WDFY3: variants seen among roughly 807,000 people sequenced by gnomAD.
The protein encoded by WDFY3 is WD repeat and FYVE domain-containing protein 3.
WDFY3 carries 66 observed loss-of-function variants against 409.6 expected under a neutral mutation model. That is an observed-to-expected ratio of 0.16 (90% CI 0.13 to 0.20). The LOEUF is 0.20. Ranked by LOEUF, WDFY3 falls within the 10% of genes least tolerant of loss-of-function variation. The pLI is 1.00. For missense variants in WDFY3, 3,031 were observed against 4,298.1 expected (o/e 0.71, Z 8.24); for synonymous variants, 1,521 against 1,537.1 (o/e 0.99, Z 0.25).
At chr4:84,732,605 A>G (rs1736788257) in intron 44 of WDFY3, among the ~76,000 whole-genome samples, 1 of 152,156 alleles carries the variant, frequency 6.6e-6, no homozygotes, top group South Asian at 2.1e-4. Context: ...GATGCCCCAT[A>G]TAAGTGAGAT....
At position 84,809,990 on chromosome 4, in the gene WDFY3, A is replaced by G; in HGVS notation, c.2242T>C (p.Leu748=). ...PSNTQPFQRL[L]EEDVISIESV... is the part of the protein sequence containing the mutation. The stretch of plus-strand genomic sequence containing the variant: ...TCTATTGAGATTACATCTTCCTCTA[A>G]AAGTCTTTGAAATGGCTGTGTATTT... Residue 748 remains leucine, a synonymous_variant, in exon 14 of 68, where the codon TTA becomes CTA. Transcript: ENST00000295888. 1.9e-6 allele frequency: 3 copies of G among 1,614,164 alleles called. No homozygotes were observed. Among genetic ancestry groups the G allele is most frequent in the South Asian group, 1.1e-5 (1 of 91,086 alleles).
intron 13 of WDFY3, among the ~76,000 whole-genome samples, chr4:84,813,230 C>G (rs1752784474): frequency 6.6e-6 from 1 of 152,024 alleles, no homozygotes; most frequent in Non-Finnish European, 1.5e-5. Context: ...AACTGAGAAC[C>G]CACATTTTCC....
At chr4:84,941,943 C>T (rs1452229469) in intron 1 of WDFY3, among the ~76,000 whole-genome samples, 3 of 151,822 alleles carry the variant, frequency 2.0e-5, no homozygotes, top group African/African-American at 7.2e-5. Flanking sequence ...CTAGCCAGTG[C>T]TACAGTAATC....
chr4:84,682,330 A>C, intron 64 of WDFY3, 44 bp downstream of exon 64: 1 of 1,570,582 alleles, frequency 6.4e-7, no homozygotes, highest in Non-Finnish European at 8.7e-7. Flanking sequence ...GACTTAAAAG[A>C]AATATGAAAA....
intron 41 of WDFY3, 62 bp from the exon 42 acceptor site, chr4:84,736,389 A>T (rs1408753158): frequency 4.8e-6 from 7 of 1,461,450 alleles, no homozygotes; most frequent in Non-Finnish European, 6.4e-6. Context: ...GTCTTACTTT[A>T]AAAACTTATC....
At chr4:84,952,794 AC>A (rs1230475545) in intron 1 of WDFY3, among the ~76,000 whole-genome samples, 2 of 152,226 alleles carry the variant, frequency 1.3e-5, no homozygotes, top group Admixed American at 1.3e-4. Flanking sequence ...TATATAAATT[AC>A]ATCTGTCATT....
chr4:84,777,519 G>A (rs999373931), intron 27 of WDFY3, among the ~76,000 whole-genome samples: 2 of 152,050 alleles, frequency 1.3e-5, no homozygotes, highest in Non-Finnish European at 2.9e-5. Context: ...CAATGTTACT[G>A]AGAGCTGCGG....
intron 3 of WDFY3, among the ~76,000 whole-genome samples, chr4:84,883,889 T>C (rs1037701543): frequency 6.6e-6 from 1 of 152,122 alleles, no homozygotes; most frequent in African/African-American, 2.4e-5. Context: ...AATGTTTCCA[T>C]ATAAAGACCT....
intron 3 of WDFY3, among the ~76,000 whole-genome samples, chr4:84,882,667 T>C (rs1268619358): frequency 6.6e-6 from 1 of 152,084 alleles, no homozygotes; most frequent in Non-Finnish European, 1.5e-5. Flanking sequence ...AAAAATTACT[T>C]GTCAGTGGAT....
chr4:84,880,672 T>TACACACAC (rs1259663195), intron 3 of WDFY3, among the ~76,000 whole-genome samples: 1 of 74,632 alleles, frequency 1.3e-5, no homozygotes, highest in Non-Finnish European at 2.4e-5. Flanking sequence ...AAGGGAACCA[T>TACACACAC]ACATATATAT....
intron 1 of WDFY3, among the ~76,000 whole-genome samples, chr4:84,961,992 A>AGACC (rs1175796691): frequency 6.6e-6 from 1 of 152,240 alleles, no homozygotes; most frequent in Non-Finnish European, 1.5e-5. Flanking sequence ...TCCCTCACAT[A>AGACC]GACCTGTATG....
At chr4:84,674,870 A>AAAAAAT (rs887055727) in intron 67 of WDFY3, among the ~76,000 whole-genome samples, 1 of 151,886 alleles carries the variant, frequency 6.6e-6, no homozygotes, top group Non-Finnish European at 1.5e-5. Context: ...TCCGTCTCAA[A>AAAAAAT]AAAAATAAAA....
At position 84,670,897 on chromosome 4, in the gene WDFY3, GAC is replaced by G. The variant is rs1725349353; in HGVS notation, c.*1969_*1970del. On this transcript the variant is annotated 3_prime_UTR_variant, in exon 68 of 68. Coordinates refer to ENST00000295888, the MANE Select transcript of WDFY3 (RefSeq NM_014991.6). ...GGGAGGGAGAGTGTGGGGGGAGTAA[GAC>G]ACAGAAAGGAAAACAGAACACAACT... The G allele has an allele frequency of 6.6e-6, 1 of 152,438 alleles. No homozygotes were observed. The highest frequency in any genetic ancestry group is 1.5e-5 in the Non-Finnish European group (1 of 68,012). The allele number at this position is 152,438 out of a possible 1,614,324, so 9.4% of individuals were successfully genotyped here.
intron 1 of WDFY3, among the ~76,000 whole-genome samples, chr4:84,952,498 T>C (rs906007236): frequency 2.0e-5 from 3 of 152,148 alleles, no homozygotes; most frequent in African/African-American, 7.2e-5. Context: ...ACAACACCCC[T>C]TTATACAGAA....
At chr4:84,891,492 T>C (rs1414153447) in intron 3 of WDFY3, among the ~76,000 whole-genome samples, 2 of 152,180 alleles carry the variant, frequency 1.3e-5, no homozygotes, top group East Asian at 3.8e-4. Flanking sequence ...CAGAATGCCA[T>C]TTTAAGAATA....
Position 84,801,739 on chromosome 4 carries a change from T to C in WDFY3, c.2733A>G (p.Ala911=). The C allele has an allele frequency of 6.2e-7, 1 of 1,613,696 alleles. No individual in the cohort carries two copies. The highest frequency in any genetic ancestry group is 8.5e-7 in the Non-Finnish European group (1 of 1,179,996). The change falls in exon 17 of 68, where the codon GCA becomes GCG. Residue 911 remains alanine (A), a synonymous_variant. Coordinates refer to ENST00000295888, the MANE Select transcript of WDFY3 (RefSeq NM_014991.6). ...GCAGTGAGTGGTCCTCATCAGCCAA[T>C]GCAGCACTGCACCTCTGCAGCAGTC... ...HARLLQRCSA[A]LADEDHSLHP...
rs560744505 is a variant in WDFY3 at position 84,827,962 on chromosome 4, T to C, written c.957-981A>G. 3.9e-5 allele frequency among the ~76,000 whole-genome samples: 6 copies of C among 151,904 alleles called. 1 individual carries two copies. The highest frequency in any genetic ancestry group is 1.4e-4 in the African/African-American group (6 of 41,434). ...CTCTACAAAAAAAATAAATAAAATA[T>C]AGCTGGGTGTAGCTACTTAGGAAAC... On this transcript the variant is annotated intron_variant, in intron 9 of 67. Coordinates refer to ENST00000295888, the MANE Select transcript of WDFY3 (RefSeq NM_014991.6).
At chr4:84,722,081 G>A (rs1409211918) in intron 46 of WDFY3, among the ~76,000 whole-genome samples, 3 of 152,120 alleles carry the variant, frequency 2.0e-5, no homozygotes, top group Non-Finnish European at 4.4e-5. Context: ...CAAAAATAAA[G>A]ACAGCAAATT....
intron 1 of WDFY3, among the ~76,000 whole-genome samples, chr4:84,944,167 T>C (rs975669169): frequency 6.6e-6 from 1 of 152,174 alleles, no homozygotes; most frequent in Admixed American, 6.5e-5. Context: ...ACTGAATAAA[T>C]AGCTTTATAT....
Sources: gnomAD v4.1 joint callset for allele counts (sites outside exome capture counted in the v4.1 genomes callset) on GRCh38, gnomAD v4.1.1 for gene constraint, MANE v1.5 for transcripts, NCBI Gene and HGNC (gene_info 2026-07-23, HGNC 2026-07-21) for gene names.